Variants in WWOX observed in about 807,000 individuals in gnomAD.
WWOX encodes the protein WW domain-containing oxidoreductase.
In WWOX, 69 loss-of-function variants were observed where a neutral mutation model predicts 46.2. The observed-to-expected ratio is 1.49, with a 90% CI of 1.23 to 1.82. The LOEUF (loss-of-function observed/expected upper bound fraction) is 1.82. Among genes scored for constraint, WWOX ranks in the 40% most tolerant of loss-of-function variants. WWOX has a pLI of 0.00. For missense variants in WWOX, 919 were observed against 542.6 expected (o/e 1.69, Z -6.89); for synonymous variants, 359 against 202.6 (o/e 1.77, Z -6.56).
At chr16:79,208,112 C>G (rs2051580400) in intron 8 of WWOX, among the ~76,000 whole-genome samples, 1 of 152,202 alleles carries the variant, frequency 6.6e-6, no homozygotes, top group African/African-American at 2.4e-5. Context: ...CCAAGATACT[C>G]TTAATCCCAA....
intron 8 of WWOX, among the ~76,000 whole-genome samples, chr16:78,870,548 T>G (rs1206788996): frequency 6.6e-6 from 1 of 152,112 alleles, no homozygotes; most frequent in African/African-American, 2.4e-5. Flanking sequence ...AAATATGTAA[T>G]TCTTCCTCCT....
chr16:78,602,996 A>T (rs2045659372), intron 8 of WWOX, among the ~76,000 whole-genome samples: 1 of 152,240 alleles, frequency 6.6e-6, no homozygotes, highest in Admixed American at 6.5e-5. Flanking sequence ...ATTCAACAAA[A>T]TGTAATACTC....
chr16:78,871,910 C>T (rs979221935), intron 8 of WWOX, among the ~76,000 whole-genome samples: 1 of 152,170 alleles, frequency 6.6e-6, no homozygotes, highest in Non-Finnish European at 1.5e-5. Context: ...ACCCTGGGCC[C>T]CTCCTTTCTG....
intron 8 of WWOX, chr16:78,825,308 A>G: frequency 3.3e-6 from 1 of 301,940 alleles, no homozygotes; most frequent in Non-Finnish European, 6.6e-6. Flanking sequence ...CAAGAAGAGG[A>G]TGTTGGTCGC....
intron 8 of WWOX, among the ~76,000 whole-genome samples, chr16:78,645,135 G>A (rs1250111703): frequency 1.3e-5 from 2 of 152,122 alleles, no homozygotes; most frequent in Non-Finnish European, 2.9e-5. Context: ...TCTGCTTGCT[G>A]TTACCAGAAT....
chr16:79,149,825 C>T (rs1465760320), intron 8 of WWOX, among the ~76,000 whole-genome samples: 2 of 152,144 alleles, frequency 1.3e-5, no homozygotes, highest in African/African-American at 4.8e-5. Flanking sequence ...GATGCTCCTC[C>T]TATACCCCAT....
chr16:78,872,322 G>C (rs1377569445), intron 8 of WWOX, among the ~76,000 whole-genome samples: 1 of 152,118 alleles, frequency 6.6e-6, no homozygotes, highest in South Asian at 2.1e-4. Context: ...AAATAATGTA[G>C]GGAAAACACT....
chr16:78,297,902 C>G (rs1240131111), intron 5 of WWOX, among the ~76,000 whole-genome samples: 1 of 152,136 alleles, frequency 6.6e-6, no homozygotes, highest in Admixed American at 6.5e-5. Flanking sequence ...CCACCCAAAT[C>G]TCATCTTGAA....
chr16:78,554,415 G>C (rs1489400290), intron 8 of WWOX, among the ~76,000 whole-genome samples: 3 of 152,138 alleles, frequency 2.0e-5, no homozygotes, highest in Admixed American at 6.5e-5. Context: ...GGCATAAATG[G>C]GTTTTAAGCT....
intron 7 of WWOX, among the ~76,000 whole-genome samples, chr16:78,428,838 C>T (rs754872544): frequency 6.6e-6 from 1 of 152,146 alleles, no homozygotes; most frequent in Non-Finnish European, 1.5e-5. Context: ...AAGACCTTGT[C>T]TCTAAAAGAA....
chr16:78,668,011 G>C (rs894642283), intron 8 of WWOX, among the ~76,000 whole-genome samples: 1 of 152,108 alleles, frequency 6.6e-6, no homozygotes, highest in Admixed American at 6.5e-5. Flanking sequence ...GGGTGCGGTG[G>C]CTCACACCTG....
At chr16:78,353,998 C>T (rs902626511) in intron 5 of WWOX, among the ~76,000 whole-genome samples, 1 of 152,198 alleles carries the variant, frequency 6.6e-6, no homozygotes, top group African/African-American at 2.4e-5. Flanking sequence ...TCTCTCTTTC[C>T]AGACAATAAA....
intron 8 of WWOX, among the ~76,000 whole-genome samples, chr16:78,666,344 CTG>C (rs1272959130): frequency 2.6e-5 from 4 of 152,110 alleles, no homozygotes; most frequent in Admixed American, 6.5e-5. Context: ...TTACTTGTAA[CTG>C]TGTCATAACC....
rs118067813 is a variant in WWOX at position 79,055,547 on chromosome 16, G to A, written c.1057-156061G>A. Among the ~76,000 whole-genome samples, 1,093 of 152,224 alleles carry A rather than the reference G, an allele frequency of 7.2e-3. 17 individuals carry two copies. Among genetic ancestry groups the A allele is most frequent in the Non-Finnish European group, 0.012 (799 of 68,004 alleles). ...CATCCCATTTGAGGCCCTAGATACT[G>A]AAAATCAGAAAGAAGTTACTTCCCA... On this transcript the variant is annotated intron_variant, in intron 8 of 8. Transcript: ENST00000566780.
At chr16:78,756,547 A>G (rs2049653461) in intron 8 of WWOX, among the ~76,000 whole-genome samples, 1 of 152,172 alleles carries the variant, frequency 6.6e-6, no homozygotes, top group Non-Finnish European at 1.5e-5. Flanking sequence ...GGAAGAAGGA[A>G]TTATTTTTAG....
At chr16:78,709,882 C>T (rs1421529632) in intron 8 of WWOX, among the ~76,000 whole-genome samples, 2 of 152,202 alleles carry the variant, frequency 1.3e-5, no homozygotes, top group East Asian at 3.9e-4. Flanking sequence ...GCACCCGCCA[C>T]CCGACGCCCA....
At chr16:78,504,394 A>G (rs2085141749) in intron 8 of WWOX, among the ~76,000 whole-genome samples, 1 of 152,234 alleles carries the variant, frequency 6.6e-6, no homozygotes, top group Admixed American at 6.5e-5. Context: ...TTATGAACCA[A>G]CATTTATAAG....
intron 8 of WWOX, among the ~76,000 whole-genome samples, chr16:79,096,934 T>C (rs1358065411): frequency 6.6e-6 from 1 of 152,008 alleles, no homozygotes; most frequent in African/African-American, 2.4e-5. Flanking sequence ...GGTGGGGACA[T>C]CTGTGGGCAT....
chr16:78,709,734 A>ATTTT (rs11371557), intron 8 of WWOX, among the ~76,000 whole-genome samples: 1 of 143,924 alleles, frequency 6.9e-6, no homozygotes, highest in Non-Finnish European at 1.5e-5. Context: ...AACAGTAAGC[A>ATTTT]TTTTTTTTTT....
Sources: allele counts gnomAD v4.1 joint callset (sites outside exome capture counted in the v4.1 genomes callset), GRCh38; gene constraint gnomAD v4.1.1; transcripts MANE v1.5; gene names NCBI Gene and HGNC (gene_info 2026-07-23, HGNC 2026-07-21).